The following RRM2 variants were observed in gnomAD, a reference collection of about 807,000 sequenced individuals.
RRM2 encodes the protein ribonucleotide reductase regulatory subunit M2.
RRM2 carries 6 observed loss-of-function variants against 45.9 expected under a neutral mutation model. The ratio of observed to expected loss-of-function variants is 0.13; its 90% CI spans 0.07 to 0.26. The LOEUF (loss-of-function observed/expected upper bound fraction) is 0.26. Among genes scored for constraint, RRM2 ranks in the 10% least tolerant of loss-of-function variants. The pLI, the probability that RRM2 is intolerant of heterozygous loss-of-function variation, is 1.00. For missense variants in RRM2, 343 were observed against 489.5 expected, an observed-to-expected ratio of 0.70 and a Z score of 2.82; for synonymous variants, 177 against 173.0, an observed-to-expected ratio of 1.02 and a Z score of -0.18.
At chr2:10,123,267 A>G in intron 2 of RRM2, 120 bp from the exon 3 acceptor site, 2 of 1,352,484 alleles carry the variant, frequency 1.5e-6, no homozygotes, top group South Asian at 1.4e-5. Flanking sequence ...GCGACGGGAC[A>G]GCCACGTTTT....
intron 3 of RRM2, among the ~76,000 whole-genome samples, chr2:10,146,446 C>A (rs1270246225): frequency 6.6e-6 from 1 of 152,218 alleles, no homozygotes; most frequent in Non-Finnish European, 1.5e-5. Flanking sequence ...CTCTGCTCTG[C>A]GGAATAGGGA....
intron 3 of RRM2, among the ~76,000 whole-genome samples, chr2:10,143,656 G>T (rs1339227639): frequency 6.6e-6 from 1 of 152,134 alleles, no homozygotes; most frequent in African/African-American, 2.4e-5. Flanking sequence ...CATCAGTGGG[G>T]CTCGCTACCT....
Position 10,122,740 on chromosome 2 carries a change from T to C in RRM2, c.-59T>C, listed in dbSNP as rs1558378396. On this transcript the variant is annotated 5_prime_UTR_variant, in exon 1 of 10. Coordinates refer to ENST00000304567, the MANE Select transcript of RRM2 (RefSeq NM_001034.4). ...GGCTGCTGGAGTGAGGGGTCGCCCGTGCACCCTGTCCCAGCCGTCCTGTCC... is the reference window on the plus strand; with the variant it reads ...GGCTGCTGGAGTGAGGGGTCGCCCGCGCACCCTGTCCCAGCCGTCCTGTCC... 2 of 1,553,804 alleles carry C rather than the reference T, an allele frequency of 1.3e-6. No individual in the cohort carries two copies. The highest frequency in any genetic ancestry group is 1.4e-5 in the African/African-American group (1 of 73,418).
At chr2:10,173,699 C>A (rs1192827693) in intron 3 of RRM2, among the ~76,000 whole-genome samples, 2 of 152,262 alleles carry the variant, frequency 1.3e-5, no homozygotes, top group Admixed American at 1.3e-4. Flanking sequence ...TCCTTCTGGG[C>A]TTCTGATGGC....
At chr2:10,190,227 ATGGTGATGATGGTGGTGATGGTGGTGG>A in intron 3 of RRM2, among the ~76,000 whole-genome samples, 1 of 141,932 alleles carries the variant, frequency 7.0e-6, no homozygotes, top group South Asian at 2.4e-4. Context: ...GATGATAGTG[ATGGTGATGATGGTGGTGATGGTGGTGG>A]TGGTGGTGAT....
chr2:10,126,037 T>G (rs913427857), intron 5 of RRM2, among the ~76,000 whole-genome samples: 1 of 151,898 alleles, frequency 6.6e-6, no homozygotes, highest in Non-Finnish European at 1.5e-5. Context: ...TCTGAGCTAG[T>G]AGTCCCAGCT....
At chr2:10,124,888 C>T (rs1173808803) in intron 5 of RRM2, 38 bp downstream of exon 5, 2 of 1,559,728 alleles carry the variant, frequency 1.3e-6, no homozygotes, top group East Asian at 2.3e-5. Flanking sequence ...TTTTAGGACT[C>T]ACTAATTGTT....
chr2:10,130,863 C>T lies in RRM2; in HGVS notation c.*1477C>T, dbSNP rs1472306690. On this transcript the variant is annotated 3_prime_UTR_variant, in exon 10 of 10. Coordinates refer to ENST00000304567, the MANE Select transcript of RRM2 (RefSeq NM_001034.4). ...CAGGCTGGTCTTGAACTCCTGACCT[C>T]AGGTGATCCACCCACCTCGGCCTCC... 1 of 152,150 alleles carries T rather than the reference C, an allele frequency of 6.6e-6. No individual in the cohort carries two copies. Among genetic ancestry groups the T allele is most frequent in the Non-Finnish European group, 1.5e-5 (1 of 68,042 alleles). The allele number at this position is 152,150 out of a possible 1,614,324, so 9.4% of individuals were successfully genotyped here.
Position 10,130,435 on chromosome 2 carries a change from T to C in RRM2, c.*1049T>C, listed in dbSNP as rs1425857127. Reference sequence around the variant, plus strand: ...TGAGTTAATTCATTTATATTTACTATGTCTGTTAAATCAGAAATTTTTTAT... The same window carrying C: ...TGAGTTAATTCATTTATATTTACTACGTCTGTTAAATCAGAAATTTTTTAT... On this transcript the variant is annotated 3_prime_UTR_variant, in exon 10 of 10. Transcript: ENST00000304567. 4.6e-5 allele frequency: 7 copies of C among 152,186 alleles called. No homozygotes were observed. Among genetic ancestry groups the C allele is most frequent in the Admixed American group, 3.9e-4 (6 of 15,270 alleles). 9.4% of individuals were successfully genotyped at this position (152,186 alleles called of 1,614,324 possible). A position where few individuals can be genotyped will look rare whatever the true frequency, so the allele number is the denominator to read the frequency against.
intron 3 of RRM2, among the ~76,000 whole-genome samples, chr2:10,150,936 C>T (rs1405760109): frequency 6.6e-6 from 1 of 152,090 alleles, no homozygotes; most frequent in Non-Finnish European, 1.5e-5. Context: ...GCCTCAGCCT[C>T]CCAAGTAGCT....
rs1054249703 is a variant in RRM2 at position 10,172,581 on chromosome 2, A to G, written n.482+30206A>G. 6.6e-6 allele frequency among the ~76,000 whole-genome samples: 1 copy of G among 152,190 alleles called. No homozygotes were observed. Among genetic ancestry groups the G allele is most frequent in the Non-Finnish European group, 1.5e-5 (1 of 68,034 alleles). ...GAATTATGCCTTTCCAGCTTCAAAG[A>G]CAACCTGTGCCCTTTCCCCAGCCCT... On this transcript the variant is annotated intron_variant and non_coding_transcript_variant, in intron 3 of 3. Coordinates refer to the RRM2 transcript ENST00000381786. The surrounding 1 kb of genome is among the most constrained non-coding windows in gnomAD (Gnocchi z 4.9).
chr2:10,170,949 A>T (rs1663792494), intron 3 of RRM2, among the ~76,000 whole-genome samples: 1 of 152,246 alleles, frequency 6.6e-6, no homozygotes, highest in Admixed American at 6.5e-5. Flanking sequence ...TAAGTGACAG[A>T]GAGGGGGCTT....
chr2:10,133,840 CCT>C (rs910849215), downstream of RRM2, among the ~76,000 whole-genome samples: 6 of 151,818 alleles, frequency 4.0e-5, no homozygotes, highest in South Asian at 6.2e-4. Flanking sequence ...GAACCGAACT[CCT>C]CTTGCTTCAA....
At chr2:10,199,801 A>AAACC (rs1553329441) in intron 3 of RRM2, among the ~76,000 whole-genome samples, 2 of 76,354 alleles carry the variant, frequency 2.6e-5, no homozygotes, top group Admixed American at 3.2e-4. Context: ...AAAAAAAAAA[A>AAACC]AAAAAAAACA....
chr2:10,190,810 T>C (rs1033756370), intron 3 of RRM2, among the ~76,000 whole-genome samples: 1 of 150,866 alleles, frequency 6.6e-6, no homozygotes, highest in African/African-American at 2.4e-5. Context: ...TTGGTGGTGA[T>C]GAGTGTGATG....
At chr2:10,160,093 G>C (rs766936629) in intron 3 of RRM2, among the ~76,000 whole-genome samples, 6 of 152,128 alleles carry the variant, frequency 3.9e-5, no homozygotes, top group Non-Finnish European at 7.3e-5. Flanking sequence ...AAACCAGGGG[G>C]TTCCTGCTCT....
At chr2:10,142,144 T>C in intron 2 of RRM2, 1 of 1,558,072 alleles carries the variant, frequency 6.4e-7, no homozygotes, top group Non-Finnish European at 8.7e-7. Flanking sequence ...CAGGCGCGTC[T>C]GTGAGTGGTC....
chr2:10,210,587 G>A lies in RRM2; in HGVS notation n.759G>A. ...GGACCCACCATTCTCAGACCCCCCA[G>A]GGCCCCATAGACAGCAGATCTGCTG... On this transcript the variant is annotated non_coding_transcript_exon_variant, in exon 4 of 4. Transcript: ENST00000381786. The A allele has an allele frequency of 2.2e-6, 3 of 1,365,684 alleles. 1 individual carries two copies. The South Asian group carries it at 3.4e-5, about 16-fold the overall frequency. 84.6% of individuals were successfully genotyped at this position (1,365,684 alleles called of 1,614,324 possible). A position where few individuals can be genotyped will look rare whatever the true frequency, so the allele number is the denominator to read the frequency against.
chr2:10,126,731 C>T (rs1428483177), intron 5 of RRM2, 144 bp from the exon 6 acceptor site: 2 of 673,266 alleles, frequency 3.0e-6, no homozygotes, highest in South Asian at 1.9e-5. Context: ...AAAAATAAAA[C>T]ATTTCGGTGT....
Sources: gnomAD v4.1 joint callset for allele counts (sites outside exome capture counted in the v4.1 genomes callset) on GRCh38, gnomAD v4.1.1 for gene constraint, Gnocchi (gnomAD v3.1) non-coding constraint, MANE v1.5 for transcripts, NCBI Gene and HGNC (gene_info 2026-07-23, HGNC 2026-07-21) for gene names.